The following SIPA1L1 variants were observed in gnomAD, a reference collection of about 807,000 sequenced individuals.
The protein encoded by SIPA1L1 is signal-induced proliferation-associated 1-like protein 1.
Under a neutral mutation model 162.7 loss-of-function variants are expected in SIPA1L1, and 26 were observed. The ratio of observed to expected loss-of-function variants is 0.16; its 90% CI spans 0.12 to 0.22. The LOEUF is 0.22. SIPA1L1 is among the 10% of genes least tolerant of loss of function. The probability of loss-of-function intolerance (pLI) is 1.00; values close to 1 mark genes in which losing one functional copy is unlikely to be tolerated. For synonymous variants in SIPA1L1, 829 were observed against 837.4 expected (o/e 0.99, Z 0.17); for missense variants, 1,874 against 2,241.0 (o/e 0.84, Z 3.31).
At chr14:71,552,265 C>T (rs1014647160) in intron 4 of SIPA1L1, among the ~76,000 whole-genome samples, 1 of 152,104 alleles carries the variant, frequency 6.6e-6, no homozygotes, top group African/African-American at 2.4e-5. Flanking sequence ...TTAATTGTAC[C>T]ATAGCTATTA....
At chr14:71,735,442 C>T (rs1230847918) in intron 22 of SIPA1L1, 51 bp downstream of exon 22, 3 of 1,245,202 alleles carry the variant, frequency 2.4e-6, no homozygotes, top group Non-Finnish European at 3.5e-6. Flanking sequence ...ACATCTGCCA[C>T]TGACTGCATC....
chr14:71,691,500 G>C (rs1280264310), intron 13 of SIPA1L1, among the ~76,000 whole-genome samples: 1 of 152,200 alleles, frequency 6.6e-6, no homozygotes, highest in African/African-American at 2.4e-5. Flanking sequence ...AGGCTGAGTG[G>C]GAGGATCACC....
chr14:71,730,172 A>C lies in SIPA1L1; in HGVS notation c.4732A>C (p.Thr1578Pro). ...CAATAGCCAGAGGGAGCACTTTTTC[A>C]CCTCCAGGGCGTCACTTCTGGACCA... is the stretch of plus-strand genomic sequence containing the variant. The part of the protein sequence containing the change: ...IYNSQREHFF[T>P]SRASLLDQAL... Residue 1578 changes from threonine to proline, a missense_variant, in exon 20 of 24, where the codon ACC becomes CCC. Coordinates refer to ENST00000381232, the MANE Select transcript of SIPA1L1 (RefSeq NM_001386936.1). 6.2e-7 allele frequency: 1 copy of C among 1,613,556 alleles called. No individual in the cohort carries two copies. The highest frequency in any genetic ancestry group is 8.5e-7 in the Non-Finnish European group (1 of 1,179,926).
chr14:71,670,714 G>A (rs2044430717), intron 10 of SIPA1L1, among the ~76,000 whole-genome samples: 1 of 152,166 alleles, frequency 6.6e-6, no homozygotes, highest in Non-Finnish European at 1.5e-5. Context: ...TGTTCTCACA[G>A]AATGTATGCT....
In SIPA1L1 at chr14:71,653,978, C is replaced by T. The variant is rs527752600; in HGVS notation, c.1993+3469C>T. ...ATGAAGTATAGCAAAGCCCCAAGACCGGCCTTTAGCCTATGTCTTCCTCCC... is the reference window on the plus strand; with the variant it reads ...ATGAAGTATAGCAAAGCCCCAAGACTGGCCTTTAGCCTATGTCTTCCTCCC... On this transcript the variant is annotated intron_variant, in intron 8 of 23. Transcript: ENST00000381232. Among the ~76,000 whole-genome samples, 169 of 152,244 alleles carry T rather than the reference C, an allele frequency of 1.1e-3. 1 individual carries two copies. The highest frequency in any genetic ancestry group is 3.6e-3 in the African/African-American group (149 of 41,528).
intron 13 of SIPA1L1, among the ~76,000 whole-genome samples, chr14:71,687,321 T>C (rs1420163203): frequency 1.3e-5 from 2 of 152,202 alleles, no homozygotes; most frequent in Non-Finnish European, 1.5e-5. Flanking sequence ...TAAATTCTTT[T>C]TTTGACACAT....
chr14:71,640,832 C>A (rs1396396200), intron 7 of SIPA1L1, among the ~76,000 whole-genome samples: 1 of 152,118 alleles, frequency 6.6e-6, no homozygotes, highest in Non-Finnish European at 1.5e-5. Context: ...ACTGTGTTGG[C>A]CAAGCTGGTC....
chr14:71,641,820 G>A (rs1482173830), intron 7 of SIPA1L1, among the ~76,000 whole-genome samples: 6 of 152,170 alleles, frequency 3.9e-5, no homozygotes, highest in Non-Finnish European at 8.8e-5. Flanking sequence ...TCTTTAAAAT[G>A]TAGGCAAAAC....
At chr14:71,574,951 C>T (rs961958054) in intron 4 of SIPA1L1, 13 of 152,146 alleles carry the variant, frequency 8.5e-5, no homozygotes, top group African/African-American at 2.7e-4. Context: ...TTAAAAAAAA[C>T]TGGAAGGATG....
intron 2 of SIPA1L1, among the ~76,000 whole-genome samples, chr14:71,379,099 C>T (rs1013252305): frequency 6.6e-6 from 1 of 152,188 alleles, no homozygotes; most frequent in African/African-American, 2.4e-5. Context: ...GACTTCCTCA[C>T]ACTTCGTTTT....
chr14:71,700,666 G>C (rs557959908), intron 14 of SIPA1L1, among the ~76,000 whole-genome samples: 47 of 152,256 alleles, frequency 3.1e-4, no homozygotes, highest in Middle Eastern at 6.8e-3. Flanking sequence ...TAAATGAAAA[G>C]CATTTGTGAA....
intron 15 of SIPA1L1, among the ~76,000 whole-genome samples, chr14:71,704,493 G>T (rs1216508422): frequency 6.6e-6 from 1 of 152,126 alleles, no homozygotes; most frequent in African/African-American, 2.4e-5. Context: ...CTCTGCTTTT[G>T]GAAATGGTTG....
intron 3 of SIPA1L1, among the ~76,000 whole-genome samples, chr14:71,519,962 C>T (rs1002676571): frequency 4.6e-5 from 7 of 152,024 alleles, no homozygotes; most frequent in Non-Finnish European, 8.8e-5. Flanking sequence ...AAATGATTAG[C>T]TGGTTGTGGT....
intron 2 of SIPA1L1, among the ~76,000 whole-genome samples, chr14:71,490,093 A>T (rs1391227193): frequency 6.6e-6 from 1 of 152,232 alleles, no homozygotes; most frequent in Non-Finnish European, 1.5e-5. Context: ...CTTTTTAATA[A>T]TCAGAGAAGT....
intron 4 of SIPA1L1, among the ~76,000 whole-genome samples, chr14:71,551,656 T>C (rs960525258): frequency 5.9e-5 from 9 of 152,218 alleles, no homozygotes; most frequent in African/African-American, 2.2e-4. Context: ...ACCTGCAACC[T>C]TTCATGTTGC....
chr14:71,327,333 C>CT (rs1259096649), intron 2 of SIPA1L1, among the ~76,000 whole-genome samples: 3 of 152,242 alleles, frequency 2.0e-5, no homozygotes, highest in Non-Finnish European at 4.4e-5. Flanking sequence ...ATCCGCCCGC[C>CT]TCGGCCTCCC....
At chr14:71,453,995 TC>T (rs1187294199) in intron 2 of SIPA1L1, among the ~76,000 whole-genome samples, 1 of 55,724 alleles carries the variant, frequency 1.8e-5, no homozygotes, top group African/African-American at 8.9e-5. Flanking sequence ...CGAGATTGTT[TC>T]AAAAAAAAAA....
chr14:71,532,125 C>T (rs2053504450), intron 4 of SIPA1L1, among the ~76,000 whole-genome samples: 1 of 151,602 alleles, frequency 6.6e-6, no homozygotes, highest in African/African-American at 2.4e-5. Flanking sequence ...ATCCATGTTA[C>T]AGGAAGGAAA....
At position 71,446,894 on chromosome 14, in the gene SIPA1L1, G is replaced by GTTTTTTTTTTT. The variant is rs765106790; in HGVS notation, c.-464-65848_-464-65838dup. On this transcript the variant is annotated intron_variant, in intron 2 of 23. Transcript: ENST00000381232. ...CTGCAAATAAAGAGAGATGGGCTCT[G>GTTTTTTTTTTT]TTTTTTTTTTTGTTTTTTTTTTTTT... Among the ~76,000 whole-genome samples, 88 of 87,394 alleles carry GTTTTTTTTTTT rather than the reference G, an allele frequency of 1.0e-3. 16 individuals are homozygous for GTTTTTTTTTTT. Among genetic ancestry groups the GTTTTTTTTTTT allele is most frequent in the East Asian group, 3.3e-3 (8 of 2,448 alleles). The allele number at this position is 87,394 out of a possible 152,430, so 57.3% of individuals were successfully genotyped here.
Sources: allele counts gnomAD v4.1 joint callset (sites outside exome capture counted in the v4.1 genomes callset), GRCh38; gene constraint gnomAD v4.1.1; transcripts MANE v1.5; gene names NCBI Gene and HGNC (gene_info 2026-07-23, HGNC 2026-07-21).